PUM1: variants seen among roughly 807,000 people sequenced by gnomAD.
The protein encoded by PUM1 is pumilio RNA binding family member 1.
PUM1 carries 13 observed loss-of-function variants against 131.8 expected under a neutral mutation model. The observed-to-expected ratio is 0.10, with a 90% confidence interval of 0.06 to 0.16. The LOEUF (loss-of-function observed/expected upper bound fraction) is 0.16, where lower values mean the gene tolerates loss of function less well. Ranked by LOEUF, PUM1 falls within the 10% of genes least tolerant of loss-of-function variation. PUM1 has a pLI of 1.00. For missense variants in PUM1, 961 were observed against 1,512.4 expected, an observed-to-expected ratio of 0.64 and a Z score of 6.05; for synonymous variants, 509 against 556.5, an observed-to-expected ratio of 0.91 and a Z score of 1.20.
chr1:30,991,202 G>A (rs1282029372), intron 7 of PUM1, among the ~76,000 whole-genome samples: 3 of 151,968 alleles, frequency 2.0e-5, no homozygotes, highest in Admixed American at 2.0e-4. Flanking sequence ...GCCATAAAGA[G>A]AAAAAAAGCA....
Position 30,953,898 on chromosome 1 carries a change from T to C in PUM1, c.2407A>G (p.Ser803Gly). The C allele has an allele frequency of 6.2e-7, 1 of 1,614,222 alleles. No homozygotes were observed. The highest frequency in any genetic ancestry group is 2.2e-5 in the East Asian group (1 of 44,880). The change falls in exon 15 of 22, where the codon AGC (serine) becomes GGC (glycine). Residue 803 changes from serine (S) to glycine (G), a missense_variant. Coordinates refer to ENST00000426105, the MANE Select transcript of PUM1 (RefSeq NM_001020658.2). ...AGAGTGCTGCTCGGGCTGAAGAGGCTGGAGGCGCTGCTTGCACTGCGGTAC... is the reference window on the plus strand; with the variant it reads ...AGAGTGCTGCTCGGGCTGAAGAGGCCGGAGGCGCTGCTTGCACTGCGGTAC... ...AKYRSASSAS[S>G]LFSPSSTLFS...
At chr1:30,952,479 C>T in intron 15 of PUM1, 116 bp from the exon 16 acceptor site, 3 of 1,412,178 alleles carry the variant, frequency 2.1e-6, no homozygotes, top group Non-Finnish European at 2.9e-6. Flanking sequence ...AGCATGTGTG[C>T]ACACACATGC....
At chr1:31,033,401 T>A (rs988137795) in intron 2 of PUM1, among the ~76,000 whole-genome samples, 60 of 128,474 alleles carry the variant, frequency 4.7e-4, no homozygotes, top group Non-Finnish European at 9.2e-4. Context: ...TTTTTTTTTT[T>A]TTGAGACGGA....
chr1:30,989,689 G>A (rs533229367), intron 7 of PUM1, among the ~76,000 whole-genome samples: 113 of 151,066 alleles, frequency 7.5e-4, no homozygotes, highest in African/African-American at 2.7e-3. Context: ...GGGCATAAAT[G>A]GTCTCATCAC....
Position 30,957,087 on chromosome 1 carries a change from T to TACACACACACACACACACAC in PUM1, c.2324-3126_2324-3107dup, listed in dbSNP as rs58044891. ...CAAGTACATACTACAAGGACATTCA[T>TACACACACACACACACACAC]ACACACACACACACACACACACACA... On this transcript the variant is annotated intron_variant, in intron 14 of 21. Coordinates refer to ENST00000426105, the MANE Select transcript of PUM1 (RefSeq NM_001020658.2). Among the ~76,000 whole-genome samples the TACACACACACACACACACAC allele has an allele frequency of 1.9e-3, 261 of 139,968 alleles. 1 individual carries two copies. Among genetic ancestry groups the TACACACACACACACACACAC allele is most frequent in the African/African-American group, 5.7e-3 (210 of 36,710 alleles). The allele number at this position is 139,968 out of a possible 152,430, so 91.8% of individuals were successfully genotyped here.
chr1:30,954,570 G>A (rs1028575931), intron 14 of PUM1, among the ~76,000 whole-genome samples: 1 of 152,146 alleles, frequency 6.6e-6, no homozygotes, highest in African/African-American at 2.4e-5. Context: ...ATGAGTACAA[G>A]ACAGGAGATG....
At chr1:30,983,898 T>C (rs1414606040) in intron 7 of PUM1, among the ~76,000 whole-genome samples, 1 of 152,012 alleles carries the variant, frequency 6.6e-6, no homozygotes, top group Non-Finnish European at 1.5e-5. Flanking sequence ...CCACCACACC[T>C]GGGCTATATA....
In PUM1 at chr1:31,065,715, AC is replaced by A. The variant is rs1241111433; in HGVS notation, c.-112del. 3.2e-6 allele frequency: 5 copies of A among 1,547,280 alleles called. No homozygotes were observed. Among genetic ancestry groups the A allele is most frequent in the Non-Finnish European group, 4.4e-6 (5 of 1,146,318 alleles). On this transcript the variant is annotated 5_prime_UTR_variant, in exon 1 of 22. In the 5' UTR this introduces an upstream ATG that the reference lacks. Coordinates refer to ENST00000426105, the MANE Select transcript of PUM1 (RefSeq NM_001020658.2). ...TTTCACTCCGACAACATGGCGGCCC[AC>A]TGGGGACTGGGTTGGCGCGGTGCAT... is the stretch of plus-strand genomic sequence containing the variant.
In PUM1 at chr1:30,945,450, A is replaced by G. The variant is rs769629144; in HGVS notation, c.2890T>C (p.Leu964=). 6.2e-7 allele frequency: 1 copy of G among 1,614,210 alleles called. No homozygotes were observed. Among genetic ancestry groups the G allele is most frequent in the Non-Finnish European group, 8.5e-7 (1 of 1,180,028 alleles). The change falls in exon 18 of 22, where the codon TTG becomes CTG. Residue 964 remains leucine, a synonymous_variant. Transcript: ENST00000426105. ...EMVRELDGHV[L]KCVKDQNGNH... ...CCATTCTGATCTTTCACACACTTCA[A>G]GACATGGCCATCTAGTTCCCGAACC...
chr1:30,964,419 G>A (rs1424439656), intron 14 of PUM1, among the ~76,000 whole-genome samples: 1 of 152,088 alleles, frequency 6.6e-6, no homozygotes, highest in Admixed American at 6.6e-5. Context: ...ACTCTCACAG[G>A]TAGCCAAAGA....
chr1:31,016,210 G>C (rs1642812602), intron 3 of PUM1, among the ~76,000 whole-genome samples: 1 of 152,182 alleles, frequency 6.6e-6, no homozygotes, highest in Non-Finnish European at 1.5e-5. Context: ...TGTTCAGCTA[G>C]TAATTATTAT....
At chr1:31,017,176 CAAA>C (rs1295841504) in intron 3 of PUM1, among the ~76,000 whole-genome samples, 1 of 151,966 alleles carries the variant, frequency 6.6e-6, no homozygotes, top group African/African-American at 2.4e-5. Context: ...TTGGAAAAAA[CAAA>C]AAAAGCAGTA....
intron 17 of PUM1, among the ~76,000 whole-genome samples, chr1:30,946,841 TG>T (rs1639698240): frequency 1.3e-5 from 2 of 151,950 alleles, no homozygotes; most frequent in Admixed American, 1.3e-4. Flanking sequence ...CCCAGGAGTT[TG>T]AGGCTGCAGT....
intron 14 of PUM1, among the ~76,000 whole-genome samples, chr1:30,960,339 T>C (rs1393798239): frequency 1.3e-5 from 2 of 152,232 alleles, no homozygotes; most frequent in African/African-American, 2.4e-5. Context: ...TGCTCAAAAA[T>C]GTTTTGGGTT....
chr1:31,060,677 G>A (rs1321021029), intron 1 of PUM1, among the ~76,000 whole-genome samples: 3 of 151,982 alleles, frequency 2.0e-5, no homozygotes, highest in African/African-American at 7.3e-5. Context: ...CTTGAGGTCA[G>A]GAGTTCGAGA....
At chr1:30,962,629 C>T (rs923456949) in intron 14 of PUM1, among the ~76,000 whole-genome samples, 11 of 152,104 alleles carry the variant, frequency 7.2e-5, no homozygotes, top group African/African-American at 1.9e-4. Context: ...CCAGACTGGT[C>T]TTGAACTCCT....
intron 21 of PUM1, among the ~76,000 whole-genome samples, chr1:30,934,065 A>G (rs1313550020): frequency 6.6e-6 from 1 of 152,176 alleles, no homozygotes; most frequent in Non-Finnish European, 1.5e-5. Flanking sequence ...CCGCCACACC[A>G]GCCTCATCCC....
chr1:31,065,015 A>G (rs2124044011), intron 1 of PUM1, among the ~76,000 whole-genome samples: 1 of 152,306 alleles, frequency 6.6e-6, no homozygotes, highest in South Asian at 2.1e-4. Flanking sequence ...ACACGGAAAC[A>G]AAAGGCCACA....
chr1:31,009,875 G>T (rs2124515459), intron 3 of PUM1, among the ~76,000 whole-genome samples: 1 of 151,380 alleles, frequency 6.6e-6, no homozygotes, highest in African/African-American at 2.4e-5. Flanking sequence ...TCCATAATTT[G>T]TAAAATTGCT....
Sources: allele counts gnomAD v4.1 joint callset (sites outside exome capture counted in the v4.1 genomes callset), GRCh38; gene constraint gnomAD v4.1.1; transcripts MANE v1.5; gene names NCBI Gene and HGNC (gene_info 2026-07-23, HGNC 2026-07-21).